Variants in LPIN1 observed in about 807,000 individuals in gnomAD.
LPIN1 encodes phosphatidate phosphatase LPIN1.
A neutral mutation model predicts 107.5 loss-of-function variants in LPIN1; 71 were observed. The observed-to-expected ratio is 0.66, with a 90% CI of 0.55 to 0.80. The LOEUF is 0.80. Among genes scored for constraint, LPIN1 ranks in the 30% least tolerant of loss-of-function variants. LPIN1 has a pLI of 0.00. For missense variants in LPIN1, 1,043 were observed against 1,160.6 expected (o/e 0.90, Z 1.47); for synonymous variants, 445 against 452.6 (o/e 0.98, Z 0.21).
At chr2:11,824,562 C>T in intron 20 of LPIN1, 70 bp from the exon 21 acceptor site, 1 of 1,526,542 alleles carries the variant, frequency 6.6e-7, no homozygotes, top group South Asian at 1.1e-5. Context: ...TCTCTCTTGA[C>T]TTCTACGTGC....
At chr2:11,784,555 G>T (rs1674160591) in intron 9 of LPIN1, among the ~76,000 whole-genome samples, 1 of 152,164 alleles carries the variant, frequency 6.6e-6, no homozygotes, top group African/African-American at 2.4e-5. Context: ...CCGTGATCCT[G>T]GGGACCCACC....
chr2:11,684,671 T>A (rs953725901), intron 1 of LPIN1, among the ~76,000 whole-genome samples: 4 of 152,134 alleles, frequency 2.6e-5, no homozygotes, highest in Non-Finnish European at 5.9e-5. Flanking sequence ...GAGAAGGCAT[T>A]TTCTATTTTG....
chr2:11,706,202 G>C (rs1663119794), intron 1 of LPIN1, among the ~76,000 whole-genome samples: 1 of 152,184 alleles, frequency 6.6e-6, no homozygotes, highest in South Asian at 2.1e-4. Flanking sequence ...GTGTGAAAAT[G>C]GACTAATATG....
intron 20 of LPIN1, among the ~76,000 whole-genome samples, chr2:11,820,809 T>C (rs2148734489): frequency 6.6e-6 from 1 of 152,316 alleles, no homozygotes; most frequent in East Asian, 1.9e-4. Context: ...AAGTTAGGTT[T>C]GAAAGCCTAG....
In LPIN1 at chr2:11,707,046, T is replaced by C. The variant is rs1369523107; in HGVS notation, c.82-6710T>C. Among the ~76,000 whole-genome samples, 1 of 152,196 alleles carries C rather than the reference T, an allele frequency of 6.6e-6. No individual in the cohort carries two copies. Among genetic ancestry groups the C allele is most frequent in the Non-Finnish European group, 1.5e-5 (1 of 68,038 alleles). ...ATGGGTACTGACTAAACGTTACCTT[T>C]GTAGCAATTAGCCATACAGCACCTC... On this transcript the variant is annotated intron_variant, in intron 1 of 21. Transcript: ENST00000449576. This position sits in a 1 kb window ranked among gnomAD's most constrained non-coding sequence, Gnocchi z 4.2.
chr2:11,777,641 C>G (rs1231402740), intron 6 of LPIN1: 1 of 152,132 alleles, frequency 6.6e-6, no homozygotes, highest in Non-Finnish European at 1.5e-5. Context: ...ACCACAGCAG[C>G]GAGTGGTTGC....
chr2:11,780,495 T>C (rs1673405204), intron 7 of LPIN1, among the ~76,000 whole-genome samples: 1 of 152,194 alleles, frequency 6.6e-6, no homozygotes, highest in Non-Finnish European at 1.5e-5. Flanking sequence ...ATAAACAAAG[T>C]CAGAAAACCT....
intron 1 of LPIN1, among the ~76,000 whole-genome samples, chr2:11,731,075 A>C (rs1665143948): frequency 6.6e-6 from 1 of 152,206 alleles, no homozygotes; most frequent in Non-Finnish European, 1.5e-5. Flanking sequence ...AATTTAAAAA[A>C]ATTATTTTAA....
chr2:11,770,616 CA>C (rs1341184791), intron 3 of LPIN1, among the ~76,000 whole-genome samples: 1 of 152,212 alleles, frequency 6.6e-6, no homozygotes, highest in East Asian at 1.9e-4. Context: ...TGATCAGCAG[CA>C]CACGTTTATT....
At chr2:11,797,408 A>G (rs748769504) in intron 14 of LPIN1, among the ~76,000 whole-genome samples, 1 of 152,212 alleles carries the variant, frequency 6.6e-6, no homozygotes, top group East Asian at 1.9e-4. Flanking sequence ...CACCTGGAGG[A>G]CATGCGTTCA....
At chr2:11,785,153 T>C in intron 10 of LPIN1, 77 bp downstream of exon 10, 1 of 1,159,416 alleles carries the variant, frequency 8.6e-7, no homozygotes, top group Non-Finnish European at 1.2e-6. Flanking sequence ...CTCCAAGGAG[T>C]GCGTGTCAAG....
chr2:11,767,237 G>A (rs1044337846), intron 2 of LPIN1, among the ~76,000 whole-genome samples: 5 of 152,126 alleles, frequency 3.3e-5, no homozygotes, highest in African/African-American at 1.2e-4. Flanking sequence ...ACTCTTCCTT[G>A]AGTATGTGTG....
At chr2:11,699,291 ACC>A (rs1488688346) in intron 1 of LPIN1, among the ~76,000 whole-genome samples, 8 of 152,132 alleles carry the variant, frequency 5.3e-5, no homozygotes, top group Non-Finnish European at 1.0e-4. Flanking sequence ...CCACATAAGG[ACC>A]TTTCTAGGGA....
chr2:11,766,108 C>T (rs937711886), intron 2 of LPIN1, among the ~76,000 whole-genome samples: 3 of 152,196 alleles, frequency 2.0e-5, no homozygotes, highest in Admixed American at 1.3e-4. Flanking sequence ...TGGCTGGGCT[C>T]TTCGCTGAGG....
Position 11,771,592 on chromosome 2 carries a change from A to G in LPIN1, c.509A>G (p.Asp170Gly), listed in dbSNP as rs779151554. 6.2e-7 allele frequency: 1 copy of G among 1,612,628 alleles called. No homozygotes were observed. The highest frequency in any genetic ancestry group is 8.5e-7 in the Non-Finnish European group (1 of 1,179,312). The change falls in exon 4 of 21, where the codon GAT (aspartate) becomes GGT (glycine). Residue 170 changes from aspartate to glycine, a missense_variant. Physicochemically the swap from Asp to Gly is moderately conservative, Grantham distance 94. Transcript: ENST00000674199. This position sits in a 1 kb window ranked among gnomAD's most constrained non-coding sequence, Gnocchi z 4.8. ...TCACAGCTGGACAGCCTGAAGAGAG[A>G]TGACAACATGAACACATCTGAGGAT... The part of the protein sequence containing the change: ...RKSQLDSLKR[D>G]DNMNTSEDED...
At chr2:11,743,742 A>G (rs779957106), upstream of LPIN1, among the ~76,000 whole-genome samples, 5 of 152,182 alleles carry the variant, frequency 3.3e-5, no homozygotes, top group Non-Finnish European at 7.4e-5. This position sits in a 1 kb window ranked among gnomAD's most constrained non-coding sequence, Gnocchi z 4.7. Context: ...CCATGCTCAG[A>G]GTCCTGGGGG....
At chr2:11,802,878 A>G (rs1678004528) in intron 14 of LPIN1, 29 bp from the exon 15 acceptor site, 2 of 1,611,464 alleles carry the variant, frequency 1.2e-6, no homozygotes, top group Non-Finnish European at 1.7e-6. Flanking sequence ...GCATTTTCTA[A>G]TTGGTGATGA....
chr2:11,794,888 C>G (rs62114963), intron 13 of LPIN1, among the ~76,000 whole-genome samples: 14,530 of 152,240 alleles, frequency 0.095, 919 homozygotes, highest in Middle Eastern at 0.17. Context: ...GCAAGAGAAA[C>G]AAGACTGGGC....
Position 11,679,852 on chromosome 2 carries a change from G to T in LPIN1, c.81+2124G>T, listed in dbSNP as rs372603122. Reference sequence around the variant, plus strand: ...TCTCAAGCTGCAGAGCTGGCTTCCTGCAAGGCTCTGCTTCTGAAGGGGCCT... The same window carrying T: ...TCTCAAGCTGCAGAGCTGGCTTCCTTCAAGGCTCTGCTTCTGAAGGGGCCT... On this transcript the variant is annotated intron_variant, in intron 1 of 21. Coordinates refer to the LPIN1 transcript ENST00000449576. Among the ~76,000 whole-genome samples the T allele has an allele frequency of 1.5e-4, 23 of 152,362 alleles. No individual in the cohort carries two copies. In the South Asian group the frequency reaches 4.3e-3, roughly 29 times the overall value.
Sources: gnomAD v4.1 joint callset for allele counts (sites outside exome capture counted in the v4.1 genomes callset) on GRCh38, gnomAD v4.1.1 for gene constraint, Gnocchi (gnomAD v3.1) non-coding constraint, MANE v1.5 for transcripts, NCBI Gene and HGNC (gene_info 2026-07-23, HGNC 2026-07-21) for gene names.